The following CACHD1 variants were observed in gnomAD, a reference collection of about 807,000 sequenced individuals.
CACHD1 encodes the protein cache domain containing 1.
Under a neutral mutation model 138.7 loss-of-function variants are expected in CACHD1, and 71 were observed. The observed-to-expected ratio is 0.51, with a 90% confidence interval of 0.42 to 0.62. The LOEUF is 0.62. Among genes scored for constraint, CACHD1 ranks in the 20% least tolerant of loss-of-function variants. The pLI is 0.00. For synonymous variants in CACHD1, 578 were observed against 591.5 expected, an observed-to-expected ratio of 0.98 and a Z score of 0.33; for missense variants, 1,389 against 1,625.3, an observed-to-expected ratio of 0.85 and a Z score of 2.50.
chr1:64,503,053 CTT>C (rs891990190), intron 1 of CACHD1, among the ~76,000 whole-genome samples: 1 of 151,990 alleles, frequency 6.6e-6, no homozygotes, highest in Non-Finnish European at 1.5e-5. Context: ...TAGAGCCGAA[CTT>C]TTTTTTGTGG....
intron 1 of CACHD1, among the ~76,000 whole-genome samples, chr1:64,526,407 A>C (rs903141769): frequency 1.3e-5 from 2 of 152,032 alleles, no homozygotes; most frequent in Admixed American, 1.3e-4. Flanking sequence ...TTTTAAAGCC[A>C]TTTGAGAAAG....
At chr1:64,677,131 C>A in intron 22 of CACHD1, 120 bp downstream of exon 22, 1 of 754,518 alleles carries the variant, frequency 1.3e-6, no homozygotes, top group African/African-American at 1.8e-5. Flanking sequence ...TAAGCCTTTA[C>A]CCACCAGATT....
Position 64,678,309 on chromosome 1 carries a change from A to G in CACHD1, c.3243A>G (p.Ile1081Met), listed in dbSNP as rs1342199399. 1.3e-6 allele frequency: 2 copies of G among 1,560,418 alleles called. No individual in the cohort carries two copies. Among genetic ancestry groups the G allele is most frequent in the East Asian group, 2.3e-5 (1 of 42,754 alleles). Residue 1081 changes from isoleucine to methionine, a missense_variant and splice_region_variant, in exon 23 of 27, where the codon ATA becomes ATG. Around this residue, in one of 5 missense-constraint regions of CACHD1, gnomAD observed 250 missense variants for 292.9 expected, o/e 0.85. Transcript: ENST00000651257. Reference sequence around the variant, plus strand: ...CCTACGTTGATGACATGGGAGCAATAGGTATGTTTGTTAGATGCCCCAACA... The same window carrying G: ...CCTACGTTGATGACATGGGAGCAATGGGTATGTTTGTTAGATGCCCCAACA... ...KSPYVDDMGA[I>M]GDEVITLNMI...
intron 8 of CACHD1, among the ~76,000 whole-genome samples, chr1:64,642,688 C>T (rs1648758274): frequency 6.6e-6 from 1 of 152,030 alleles, no homozygotes; most frequent in Non-Finnish European, 1.5e-5. Context: ...TGCTTTTCTC[C>T]CATGACATCT....
At chr1:64,580,826 C>T (rs1003845172) in intron 2 of CACHD1, among the ~76,000 whole-genome samples, 4 of 152,082 alleles carry the variant, frequency 2.6e-5, no homozygotes, top group African/African-American at 9.7e-5. Flanking sequence ...AAATTTTCTC[C>T]AAATGTCCCC....
At chr1:64,598,844 C>T (rs1460375922) in intron 3 of CACHD1, among the ~76,000 whole-genome samples, 1 of 150,508 alleles carries the variant, frequency 6.6e-6, no homozygotes, top group Non-Finnish European at 1.5e-5. Context: ...CCTTCTCTGT[C>T]CCAAATTTAT....
At chr1:64,534,296 G>A (rs2458893) in intron 1 of CACHD1, among the ~76,000 whole-genome samples, 5 of 151,986 alleles carry the variant, frequency 3.3e-5, no homozygotes, top group Non-Finnish European at 7.4e-5. Flanking sequence ...CACCCACCTC[G>A]GCCTCCCAAA....
rs1647058623 is a variant in CACHD1 at position 64,587,407 on chromosome 1, ATT to A, written c.410+5104_410+5105del. 1.3e-4 allele frequency among the ~76,000 whole-genome samples: 20 copies of A among 152,340 alleles called. No homozygotes were observed. The South Asian group carries it at 3.9e-3, about 30-fold the overall frequency. On this transcript the variant is annotated intron_variant, in intron 3 of 26. Transcript: ENST00000651257. ...GCTTTAAAGACCTTTGTTACAGAGC[ATT>A]AGGCTATAGTATGACGACAACAGAG...
chr1:64,640,737 A>G (rs1486003729), intron 7 of CACHD1, among the ~76,000 whole-genome samples: 1 of 135,504 alleles, frequency 7.4e-6, no homozygotes, highest in Non-Finnish European at 1.6e-5. Context: ...ACACACTCTC[A>G]ACATTATATA....
Position 64,648,010 on chromosome 1 carries a change from C to T in CACHD1, c.1366C>T (p.Pro456Ser). The T allele has an allele frequency of 3.7e-6, 6 of 1,613,284 alleles. No homozygotes were observed. The highest frequency in any genetic ancestry group is 4.2e-6 in the Non-Finnish European group (5 of 1,179,682). Residue 456 changes from proline to serine, a missense_variant, in exon 9 of 27, where the codon CCC (proline) becomes TCC (serine). Physicochemically the swap from Pro to Ser is moderately conservative, Grantham distance 74. This residue lies in a region of CACHD1 where 1,000 missense variants were observed against 1,114.7 expected (regional missense o/e 0.90). Coordinates refer to ENST00000651257, the MANE Select transcript of CACHD1 (RefSeq NM_020925.4). ...GATTGATGAAGCCGTCTTCAGCCTG[C>T]CCTTCTCTGATGAGATGGGAGATGG... ...RMIDEAVFSL[P>S]FSDEMGDGLI... is the part of the protein sequence containing the mutation.
At chr1:64,680,255 G>A (rs554004035) in intron 24 of CACHD1, among the ~76,000 whole-genome samples, 30 of 152,216 alleles carry the variant, frequency 2.0e-4, no homozygotes, top group Middle Eastern at 3.4e-3. Context: ...TTGGGAGGCC[G>A]AGGTGGGTGG....
rs996854308 is a variant in CACHD1, at chr1:64,470,739, G to A, written c.-6G>A. 31 of 615,940 alleles carry A rather than the reference G, an allele frequency of 5.0e-5. No individual in the cohort carries two copies. In the African/African-American group the frequency reaches 5.2e-4, roughly 10 times the overall value. 38.2% of individuals were successfully genotyped at this position (615,940 alleles called of 1,614,324 possible). A position where few individuals can be genotyped will look rare whatever the true frequency, so the allele number is the denominator to read the frequency against. ...AGCCCGTCGGCGGGGAGTGGGGGGA[G>A]GCAGCATGGCCCGCCAGCCGGAGGA... On this transcript the variant is annotated 5_prime_UTR_variant, in exon 1 of 27. Transcript: ENST00000651257. The surrounding 1 kb of genome is among the most constrained non-coding windows in gnomAD (Gnocchi z 5.2).
chr1:64,497,535 C>T (rs1300772089), intron 1 of CACHD1, among the ~76,000 whole-genome samples: 2 of 152,108 alleles, frequency 1.3e-5, no homozygotes, highest in African/African-American at 4.8e-5. Flanking sequence ...GTTATGAGAA[C>T]TGCAGCTATT....
At chr1:64,505,190 A>G (rs1024910043) in intron 1 of CACHD1, among the ~76,000 whole-genome samples, 3 of 152,134 alleles carry the variant, frequency 2.0e-5, no homozygotes, top group Non-Finnish European at 4.4e-5. Context: ...CCGTGCAGGA[A>G]CTGCTTTTGT....
chr1:64,672,821 A>G (rs889718779), intron 17 of CACHD1, among the ~76,000 whole-genome samples: 2 of 152,116 alleles, frequency 1.3e-5, no homozygotes, highest in Non-Finnish European at 2.9e-5. Context: ...GCTTGCCTGG[A>G]AAAAAAGAAC....
chr1:64,532,486 G>C (rs1646595577), intron 1 of CACHD1, among the ~76,000 whole-genome samples: 1 of 152,154 alleles, frequency 6.6e-6, no homozygotes. Context: ...GGTAGGCTGG[G>C]AGCAAGCCCA....
At chr1:64,643,265 A>AG (rs1265491262) in intron 8 of CACHD1, among the ~76,000 whole-genome samples, 3 of 151,492 alleles carry the variant, frequency 2.0e-5, no homozygotes, top group African/African-American at 7.3e-5. Flanking sequence ...AGATCCTCTT[A>AG]GGAGGGGTTC....
intron 1 of CACHD1, among the ~76,000 whole-genome samples, chr1:64,488,332 A>C (rs12095295): frequency 0.054 from 8,190 of 152,244 alleles, 458 homozygotes; most frequent in African/African-American, 0.14. Context: ...TCCTCATAAA[A>C]ATTTGTCTTC....
intron 3 of CACHD1, among the ~76,000 whole-genome samples, chr1:64,597,632 T>A (rs982192353): frequency 6.8e-6 from 1 of 146,004 alleles, no homozygotes; most frequent in Non-Finnish European, 1.5e-5. Context: ...AAAATGAGCA[T>A]AGAATGCAGT....
Sources: gnomAD v4.1 joint callset for allele counts (sites outside exome capture counted in the v4.1 genomes callset) on GRCh38, gnomAD v4.1.1 for gene constraint, gnomAD v4.1.1 regional missense constraint, Gnocchi (gnomAD v3.1) non-coding constraint, MANE v1.5 for transcripts, NCBI Gene and HGNC (gene_info 2026-07-23, HGNC 2026-07-21) for gene names.